Variants in TEX26 observed in about 807,000 individuals in gnomAD.
TEX26 encodes the protein testis-expressed protein 26.
TEX26 carries 34 observed loss-of-function variants against 35.3 expected under a neutral mutation model. The observed-to-expected ratio is 0.96, with a 90% CI of 0.73 to 1.28. The LOEUF is 1.28. TEX26 is among the 50% of genes most tolerant of loss of function. The probability of loss-of-function intolerance (pLI) is 0.00; values close to 1 mark genes in which losing one functional copy is unlikely to be tolerated. For synonymous variants in TEX26, 136 were observed against 111.8 expected, an observed-to-expected ratio of 1.22 and a Z score of -1.36; for missense variants, 371 against 330.1, an observed-to-expected ratio of 1.12 and a Z score of -0.96.
intron 4 of TEX26, among the ~76,000 whole-genome samples, chr13:30,965,255 A>C (rs994316387): frequency 4.6e-5 from 7 of 152,188 alleles, no homozygotes; most frequent in African/African-American, 1.4e-4. Context: ...CAATATAAAA[A>C]TGCTCTCAGG....
intron 5 of TEX26, among the ~76,000 whole-genome samples, chr13:30,967,450 A>G (rs1434680692): frequency 6.6e-6 from 1 of 152,100 alleles, no homozygotes; most frequent in Admixed American, 6.5e-5. Context: ...CAGCTGTAAT[A>G]TTCCTTGCTA....
chr13:30,939,398 G>C (rs943482647), intron 1 of TEX26, among the ~76,000 whole-genome samples: 9 of 152,156 alleles, frequency 5.9e-5, no homozygotes, highest in Non-Finnish European at 1.2e-4. Context: ...AAATGATAGA[G>C]TTTCAGATGA....
At chr13:30,973,250 C>G (rs4941448) in intron 6 of TEX26, 1 of 151,992 alleles carries the variant, frequency 6.6e-6, no homozygotes. Context: ...ACCTCAAAAA[C>G]GTGCTGAATG....
chr13:30,963,902 G>A lies in TEX26; in HGVS notation c.470-2320G>A, dbSNP rs539068483. Among the ~76,000 whole-genome samples the A allele has an allele frequency of 7.9e-5, 12 of 152,060 alleles. No homozygotes were observed. In the South Asian group the frequency reaches 1.0e-3, roughly 13 times the overall value. ...TCTCCAATGATTCCACCTCTATGCC[G>A]GTCCATCATTGTTCATGTGGAACGG... On this transcript the variant is annotated intron_variant, in intron 4 of 6. Transcript: ENST00000380473.
intron 5 of TEX26, among the ~76,000 whole-genome samples, chr13:30,968,184 A>G (rs190523284): frequency 6.6e-6 from 1 of 152,338 alleles, no homozygotes; most frequent in East Asian, 1.9e-4. Context: ...AACTCAAAGA[A>G]ATTATGGGAG....
intron 1 of TEX26, among the ~76,000 whole-genome samples, chr13:30,937,265 T>C (rs995191557): frequency 1.3e-5 from 2 of 152,138 alleles, no homozygotes; most frequent in Non-Finnish European, 2.9e-5. Context: ...GATAGGACCC[T>C]AGATGGGCGG....
At chr13:30,970,156 A>G (rs966827729) in intron 6 of TEX26, among the ~76,000 whole-genome samples, 1 of 132,416 alleles carries the variant, frequency 7.6e-6, no homozygotes, top group African/African-American at 2.9e-5. Flanking sequence ...CTGACAGGGA[A>G]GGGTGTGTGT....
At chr13:30,948,254 T>A (rs1292905517) in intron 2 of TEX26, among the ~76,000 whole-genome samples, 1 of 152,160 alleles carries the variant, frequency 6.6e-6, no homozygotes, top group African/African-American at 2.4e-5. Context: ...GGTACATACC[T>A]AGTAATGGGA....
intron 6 of TEX26, among the ~76,000 whole-genome samples, chr13:30,973,978 G>A (rs1326273482): frequency 6.6e-6 from 1 of 151,448 alleles, no homozygotes; most frequent in African/African-American, 2.4e-5. Flanking sequence ...AAAATTAGCT[G>A]GGCATGGTGG....
intron 2 of TEX26, among the ~76,000 whole-genome samples, chr13:30,952,324 T>G (rs1953957986): frequency 6.6e-6 from 1 of 152,148 alleles, no homozygotes; most frequent in Non-Finnish European, 1.5e-5. Context: ...GGGAGATTTC[T>G]ATAGAGAGAA....
chr13:30,952,938 T>C lies in TEX26; in HGVS notation c.312+113T>C, dbSNP rs1593570758. ...TCTCTCAGCTTCTACAGTCACAGGA[T>C]ACATGGTTCTTTTTAGACTATTTCC... On this transcript the variant is annotated intron_variant, in intron 3 of 6. Transcript: ENST00000380473. The C allele has an allele frequency of 3.3e-6, 3 of 908,420 alleles. No homozygotes were observed. In the East Asian group the frequency reaches 8.5e-5, roughly 26 times the overall value. 56.3% of individuals were successfully genotyped at this position (908,420 alleles called of 1,614,324 possible). A position where few individuals can be genotyped will look rare whatever the true frequency, so the allele number is the denominator to read the frequency against.
intron 6 of TEX26, among the ~76,000 whole-genome samples, chr13:30,972,359 T>C (rs1409503519): frequency 6.9e-6 from 1 of 144,670 alleles, no homozygotes; most frequent in Non-Finnish European, 1.5e-5. Flanking sequence ...CAAATTGACA[T>C]TAAAATTTTA....
At chr13:30,959,150 C>G (rs1954244842) in intron 4 of TEX26, among the ~76,000 whole-genome samples, 1 of 152,158 alleles carries the variant, frequency 6.6e-6, no homozygotes. Flanking sequence ...TTCCTAACTT[C>G]TTGTTTACAG....
intron 4 of TEX26, 148 bp downstream of exon 4, chr13:30,957,177 T>A: frequency 1.3e-6 from 1 of 763,060 alleles, no homozygotes; most frequent in African/African-American, 1.8e-5. Flanking sequence ...AACCATCAAG[T>A]ATAAAAAGGT....
chr13:30,932,918 A>T (rs1418424792), intron 1 of TEX26, 142 bp downstream of exon 1: 3 of 874,246 alleles, frequency 3.4e-6, no homozygotes, highest in African/African-American at 3.4e-5. Context: ...AAAGACGGGG[A>T]GTCAGGGAGA....
intron 3 of TEX26, among the ~76,000 whole-genome samples, chr13:30,955,624 G>T (rs1278202872): frequency 3.3e-5 from 5 of 152,230 alleles, no homozygotes; most frequent in African/African-American, 1.2e-4. Flanking sequence ...AGAAGGGGAA[G>T]TACAGTGAAG....
intron 5 of TEX26, among the ~76,000 whole-genome samples, chr13:30,968,256 G>A (rs1027190316): frequency 1.3e-4 from 20 of 152,186 alleles, no homozygotes; most frequent in Non-Finnish European, 1.0e-4. Context: ...GTTATGGGAG[G>A]GGGAGAAGAG....
chr13:30,971,144 C>T (rs144940020), intron 6 of TEX26, among the ~76,000 whole-genome samples: 4 of 152,278 alleles, frequency 2.6e-5, no homozygotes, highest in African/African-American at 4.8e-5. Flanking sequence ...TCAATGCCAG[C>T]TTTATTAGAA....
intron 4 of TEX26, 125 bp downstream of exon 4, chr13:30,957,154 C>T: frequency 2.1e-6 from 2 of 963,672 alleles, no homozygotes; most frequent in Non-Finnish European, 3.0e-6. Context: ...AGACAGGCGA[C>T]TTTGCAAATA....
Sources: gnomAD v4.1 joint callset for allele counts (sites outside exome capture counted in the v4.1 genomes callset) on GRCh38, gnomAD v4.1.1 for gene constraint, MANE v1.5 for transcripts, NCBI Gene and HGNC (gene_info 2026-07-23, HGNC 2026-07-21) for gene names.